TBC1D15: variants seen among roughly 807,000 people sequenced by gnomAD.
The protein encoded by TBC1D15 is GAP for RAB7.
Under a neutral mutation model 95.4 loss-of-function variants are expected in TBC1D15, and 39 were observed. The observed-to-expected ratio is 0.41, with a 90% CI of 0.32 to 0.53. The LOEUF (loss-of-function observed/expected upper bound fraction) is 0.53, where lower values mean the gene tolerates loss of function less well. Ranked by LOEUF, TBC1D15 falls within the 20% of genes least tolerant of loss-of-function variation. TBC1D15 has a pLI of 0.29. For missense variants in TBC1D15, 733 were observed against 794.3 expected, an observed-to-expected ratio of 0.92 and a Z score of 0.93; for synonymous variants, 258 against 261.3, an observed-to-expected ratio of 0.99 and a Z score of 0.12.
intron 14 of TBC1D15, among the ~76,000 whole-genome samples, chr12:71,920,135 A>T (rs1056990297): frequency 5.3e-5 from 8 of 152,140 alleles, no homozygotes; most frequent in Non-Finnish European, 1.0e-4. Flanking sequence ...AAATTCGAGG[A>T]TATTATCTGT....
At chr12:71,850,998 A>G (rs2137930476) in intron 1 of TBC1D15, among the ~76,000 whole-genome samples, 1 of 151,570 alleles carries the variant, frequency 6.6e-6, no homozygotes, top group South Asian at 2.1e-4. Flanking sequence ...AAAAAAAAAA[A>G]AAAAAAAAAA....
chr12:71,910,856 G>A (rs1902075227), intron 11 of TBC1D15, among the ~76,000 whole-genome samples: 4 of 152,028 alleles, frequency 2.6e-5, no homozygotes, highest in South Asian at 2.1e-4. Context: ...ATGGGAGAAG[G>A]TTTTCACAAC....
intron 3 of TBC1D15, among the ~76,000 whole-genome samples, chr12:71,879,567 C>T (rs1442874610): frequency 6.6e-6 from 1 of 152,194 alleles, no homozygotes; most frequent in Non-Finnish European, 1.5e-5. Context: ...CTGTCATCAG[C>T]AGTGTGAGAT....
intron 1 of TBC1D15, among the ~76,000 whole-genome samples, chr12:71,842,974 G>A (rs1411768275): frequency 6.6e-6 from 1 of 151,906 alleles, no homozygotes; most frequent in African/African-American, 2.4e-5. Flanking sequence ...TCCTGTTAGT[G>A]TATTAGAATT....
intron 10 of TBC1D15, among the ~76,000 whole-genome samples, chr12:71,898,142 A>G (rs1898598107): frequency 6.6e-6 from 1 of 152,058 alleles, no homozygotes; most frequent in Non-Finnish European, 1.5e-5. Context: ...TTTATTTATA[A>G]GTGTTGATAT....
At chr12:71,913,635 A>G in intron 11 of TBC1D15, 191 bp from the exon 12 acceptor site, 1 of 488,104 alleles carries the variant, frequency 2.0e-6, no homozygotes, top group Non-Finnish European at 3.6e-6. Context: ...AAAACAACTC[A>G]TCTTTCTTAC....
In TBC1D15 at chr12:71,921,497, G is replaced by A. The variant is rs80355910; in HGVS notation, c.1803+43G>A. 1,230 of 1,250,252 alleles carry A rather than the reference G, an allele frequency of 9.8e-4. 13 individuals carry two copies. In the African/African-American group the frequency reaches 0.016, roughly 17 times the overall value. 77.4% of individuals were successfully genotyped at this position (1,250,252 alleles called of 1,614,324 possible). On this transcript the variant is annotated intron_variant, in intron 16 of 16. Coordinates refer to ENST00000485960, the MANE Select transcript of TBC1D15 (RefSeq NM_001146213.3). ...TAATTGCAAGATTTGTTTGTTTTTGGTGGGTTGAGATCAAGAAAGATTTTT... is the reference window on the plus strand; with the variant it reads ...TAATTGCAAGATTTGTTTGTTTTTGATGGGTTGAGATCAAGAAAGATTTTT...
At chr12:71,872,203 G>C in intron 2 of TBC1D15, 35 bp downstream of exon 2, 2 of 1,210,784 alleles carry the variant, frequency 1.7e-6, no homozygotes, top group Non-Finnish European at 2.3e-6. Flanking sequence ...TTTAATAATA[G>C]TTTATGGTAG....
chr12:71,873,492 G>T (rs1893127954), intron 3 of TBC1D15, among the ~76,000 whole-genome samples: 1 of 152,120 alleles, frequency 6.6e-6, no homozygotes, highest in Non-Finnish European at 1.5e-5. Flanking sequence ...CATTTGGGTT[G>T]TTTTCACTTT....
Position 71,923,712 on chromosome 12 carries a change from A to T in TBC1D15, c.*508A>T, listed in dbSNP as rs1395347019. Reference sequence around the variant, plus strand: ...TTTATGCTGGTCAAATGTGATTTAAATTGGACATTTTCATCAATGCAGTCT... The same window carrying T: ...TTTATGCTGGTCAAATGTGATTTAATTTGGACATTTTCATCAATGCAGTCT... On this transcript the variant is annotated 3_prime_UTR_variant, in exon 17 of 17. Transcript: ENST00000485960. The T allele has an allele frequency of 6.5e-6, 1 of 153,424 alleles. No homozygotes were observed. The highest frequency in any genetic ancestry group is 1.5e-5 in the Non-Finnish European group (1 of 68,600). The allele number at this position is 153,424 out of a possible 1,614,324, so 9.5% of individuals were successfully genotyped here.
intron 11 of TBC1D15, among the ~76,000 whole-genome samples, chr12:71,913,198 G>A (rs935502059): frequency 6.6e-6 from 1 of 151,918 alleles, no homozygotes; most frequent in Middle Eastern, 3.2e-3. Context: ...TTGGTTGGGT[G>A]TAGAGAGTAA....
chr12:71,899,739 T>C (rs1592791513), intron 10 of TBC1D15, among the ~76,000 whole-genome samples: 1 of 152,252 alleles, frequency 6.6e-6, no homozygotes, highest in South Asian at 2.1e-4. Context: ...AGAGTAGGAA[T>C]AGGGAGACCA....
chr12:71,862,801 T>C, intron 1 of TBC1D15, among the ~76,000 whole-genome samples: 1 of 152,242 alleles, frequency 6.6e-6, no homozygotes, highest in East Asian at 1.9e-4. Flanking sequence ...ATTCTTTGTG[T>C]ATCTGCTCTA....
In TBC1D15 at chr12:71,872,060, G is replaced by T. The variant is rs990998181; in HGVS notation, c.31-10G>T. 7.7e-6 allele frequency: 10 copies of T among 1,295,654 alleles called. No individual in the cohort carries two copies. Among genetic ancestry groups the T allele is most frequent in the Non-Finnish European group, 1.0e-5 (10 of 960,972 alleles). 80.3% of individuals were successfully genotyped at this position (1,295,654 alleles called of 1,614,324 possible). A position where few individuals can be genotyped will look rare whatever the true frequency, so the allele number is the denominator to read the frequency against. ...AAATTATGTGACTAACTTTATTTTTGCTGTTTTAGATTATATATGAACAAG... is the reference window on the plus strand; with the variant it reads ...AAATTATGTGACTAACTTTATTTTTTCTGTTTTAGATTATATATGAACAAG... On this transcript the variant is annotated splice_polypyrimidine_tract_variant and intron_variant, in intron 1 of 16. Transcript: ENST00000485960.
At chr12:71,859,355 T>C (rs1889866506) in intron 1 of TBC1D15, among the ~76,000 whole-genome samples, 1 of 152,202 alleles carries the variant, frequency 6.6e-6, no homozygotes, top group Non-Finnish European at 1.5e-5. Flanking sequence ...AAACCCTTGT[T>C]GGATGTATAG....
At chr12:71,896,111 ACTC>A (rs1391844362) in intron 8 of TBC1D15, 36 bp downstream of exon 8, 3 of 1,549,376 alleles carry the variant, frequency 1.9e-6, no homozygotes. Flanking sequence ...TGTCTTATAA[ACTC>A]CTAGTATTTA....
intron 5 of TBC1D15, among the ~76,000 whole-genome samples, chr12:71,892,451 G>C (rs1361791658): frequency 1.3e-5 from 2 of 151,816 alleles, no homozygotes; most frequent in Non-Finnish European, 2.9e-5. Flanking sequence ...AGATTTATTA[G>C]AACTGACTAA....
chr12:71,893,441 T>C (rs193097977), intron 6 of TBC1D15, 117 bp downstream of exon 6: 9 of 312,032 alleles, frequency 2.9e-5, no homozygotes, highest in African/African-American at 6.0e-5. Flanking sequence ...TACATAGATA[T>C]GTGTGTGTGT....
At chr12:71,863,718 CT>C (rs1890870231) in intron 1 of TBC1D15, among the ~76,000 whole-genome samples, 1 of 152,094 alleles carries the variant, frequency 6.6e-6, no homozygotes, top group Admixed American at 6.5e-5. Flanking sequence ...GCTTTTGTCA[CT>C]CTTTTTTTTC....
Sources: gnomAD v4.1 joint callset for allele counts (sites outside exome capture counted in the v4.1 genomes callset) on GRCh38, gnomAD v4.1.1 for gene constraint, MANE v1.5 for transcripts, NCBI Gene and HGNC (gene_info 2026-07-23, HGNC 2026-07-21) for gene names.